Variants in TBC1D32 observed in about 807,000 individuals in gnomAD.
TBC1D32 encodes the protein protein broad-minded.
A neutral mutation model predicts 170.3 loss-of-function variants in TBC1D32; 151 were observed. The observed-to-expected ratio is 0.89, with a 90% CI of 0.78 to 1.01. The LOEUF is 1.01. Ranked by LOEUF, TBC1D32 falls within the 50% of genes least tolerant of loss-of-function variation. The pLI is 0.00. For missense variants in TBC1D32, 1,464 were observed against 1,457.1 expected, an observed-to-expected ratio of 1.00 and a Z score of -0.08; for synonymous variants, 498 against 488.0, an observed-to-expected ratio of 1.02 and a Z score of -0.27.
intron 31 of TBC1D32, among the ~76,000 whole-genome samples, chr6:121,081,957 A>G (rs533989909): frequency 6.6e-6 from 1 of 152,228 alleles, no homozygotes; most frequent in South Asian, 2.1e-4. Context: ...TACAAGGCTG[A>G]TATTACAGCT....
intron 20 of TBC1D32, chr6:121,237,208 T>C (rs1157017412): frequency 6.6e-6 from 1 of 152,092 alleles, no homozygotes; most frequent in African/African-American, 2.4e-5. Flanking sequence ...ACATTTAAGA[T>C]GCTCTACTGC....
intron 20 of TBC1D32, among the ~76,000 whole-genome samples, chr6:121,237,452 A>G (rs1056027923): frequency 6.6e-5 from 10 of 152,060 alleles, no homozygotes; most frequent in African/African-American, 2.4e-4. Context: ...AATAAATTTG[A>G]AGATTTTCCA....
At chr6:121,305,709 G>A (rs1047313388) in intron 5 of TBC1D32, among the ~76,000 whole-genome samples, 21 of 152,006 alleles carry the variant, frequency 1.4e-4, no homozygotes, top group African/African-American at 5.1e-4. Context: ...ATAGGTATCT[G>A]TCATACTTTT....
chr6:121,332,626 T>C (rs958698215), intron 1 of TBC1D32, among the ~76,000 whole-genome samples: 1 of 152,096 alleles, frequency 6.6e-6, no homozygotes, highest in African/African-American at 2.4e-5. Context: ...CCATGTAAAA[T>C]AAAAACCAGA....
At chr6:121,173,925 A>AAAAAAAGAT (rs1180236603) in intron 22 of TBC1D32, among the ~76,000 whole-genome samples, 1 of 151,582 alleles carries the variant, frequency 6.6e-6, no homozygotes, top group Non-Finnish European at 1.5e-5. Context: ...AAAAATAAAA[A>AAAAAAAGAT]AAAAAGATAA....
At chr6:121,277,745 G>C (rs1316958465) in intron 15 of TBC1D32, among the ~76,000 whole-genome samples, 3 of 151,032 alleles carry the variant, frequency 2.0e-5, no homozygotes, top group Admixed American at 6.6e-5. Context: ...TCCAAAGTAA[G>C]AAGAAATAAA....
Position 121,113,137 on chromosome 6 carries a change from T to C in TBC1D32, c.3094A>G (p.Asn1032Asp). The change falls in exon 28 of 32, where the codon AAT (asparagine) becomes GAT (aspartate). Residue 1032 changes from asparagine to aspartate, a missense_variant. Coordinates refer to ENST00000398212, the MANE Select transcript of TBC1D32 (RefSeq NM_152730.6). The part of the protein sequence containing the change: ...FLSLLKDGAE[N>D]DLTWVLKHCE... ...TGCTTTAAAACCCAGGTAAGATCATTTTCTGCACCATCTTTTAAGAGACTG... is the reference window on the plus strand; with the variant it reads ...TGCTTTAAAACCCAGGTAAGATCATCTTCTGCACCATCTTTTAAGAGACTG... The C allele has an allele frequency of 6.2e-7, 1 of 1,611,422 alleles. No homozygotes were observed. Among genetic ancestry groups the C allele is most frequent in the South Asian group, 1.1e-5 (1 of 90,436 alleles).
At chr6:121,157,435 TG>T (rs1205703208) in intron 24 of TBC1D32, among the ~76,000 whole-genome samples, 9 of 152,094 alleles carry the variant, frequency 5.9e-5, no homozygotes, top group African/African-American at 2.2e-4. Context: ...AGCAGACAGT[TG>T]GGTCTTATCT....
At chr6:121,205,310 G>T (rs7745435) in intron 21 of TBC1D32, 147 bp from the exon 22 acceptor site, 4 of 442,042 alleles carry the variant, frequency 9.0e-6, no homozygotes, top group African/African-American at 6.4e-5. Context: ...AGAAGAAGAA[G>T]AAGAAGAAGA....
chr6:121,235,211 G>T (rs1796188601), intron 20 of TBC1D32, among the ~76,000 whole-genome samples: 2 of 152,156 alleles, frequency 1.3e-5, no homozygotes, highest in South Asian at 4.1e-4. Context: ...CTTTCAAGAG[G>T]GCATCAGCTG....
intron 30 of TBC1D32, among the ~76,000 whole-genome samples, chr6:121,095,569 T>C (rs9375001): frequency 0.18 from 26,969 of 152,092 alleles, 3,345 homozygotes; most frequent in East Asian, 0.61. Context: ...GGCTGTGAGT[T>C]TGTCATAAAT....
At chr6:121,309,841 C>T (rs927668608) in intron 4 of TBC1D32, among the ~76,000 whole-genome samples, 3 of 151,990 alleles carry the variant, frequency 2.0e-5, no homozygotes, top group Admixed American at 6.6e-5. Context: ...TGAGATCTTC[C>T]TAAGTGATGT....
intron 19 of TBC1D32, among the ~76,000 whole-genome samples, chr6:121,240,385 T>TTA (rs71018118): frequency 1.4e-5 from 2 of 142,650 alleles, no homozygotes; most frequent in South Asian, 2.2e-4. Context: ...TTTTTTTTTT[T>TTA]ACCAAGAAAC....
chr6:121,220,339 A>T (rs1794349891), intron 21 of TBC1D32, among the ~76,000 whole-genome samples: 1 of 152,208 alleles, frequency 6.6e-6, no homozygotes, highest in Admixed American at 6.5e-5. Flanking sequence ...TACTGATATG[A>T]AGAAAGTTTG....
At chr6:121,229,786 T>C (rs899868970) in intron 20 of TBC1D32, among the ~76,000 whole-genome samples, 2 of 152,142 alleles carry the variant, frequency 1.3e-5, no homozygotes, top group Admixed American at 1.3e-4. Context: ...TTTAGCTCTT[T>C]GTCCCTACCC....
intron 15 of TBC1D32, among the ~76,000 whole-genome samples, chr6:121,260,884 C>T (rs1180014810): frequency 6.6e-6 from 1 of 152,190 alleles, no homozygotes. Flanking sequence ...ACTAAGCTCC[C>T]ATGGGCGAAG....
At chr6:121,135,394 G>A (rs1021508089) in intron 24 of TBC1D32, among the ~76,000 whole-genome samples, 1 of 152,118 alleles carries the variant, frequency 6.6e-6, no homozygotes. Context: ...GCCTTCTGCT[G>A]TAAATAACCA....
At chr6:121,193,400 G>T (rs1790333382) in intron 22 of TBC1D32, among the ~76,000 whole-genome samples, 1 of 152,196 alleles carries the variant, frequency 6.6e-6, no homozygotes, top group African/African-American at 2.4e-5. Context: ...CATCCCAGTT[G>T]GGAGGGTCCA....
intron 12 of TBC1D32, among the ~76,000 whole-genome samples, chr6:121,284,635 A>G (rs1327044215): frequency 1.3e-5 from 2 of 152,160 alleles, no homozygotes; most frequent in African/African-American, 4.8e-5. Context: ...AGTCTGGTGA[A>G]ATCACATGTG....
Sources: allele counts gnomAD v4.1 joint callset (sites outside exome capture counted in the v4.1 genomes callset), GRCh38; gene constraint gnomAD v4.1.1; transcripts MANE v1.5; gene names NCBI Gene and HGNC (gene_info 2026-07-23, HGNC 2026-07-21).